Variants in SHISA9 observed in about 807,000 individuals in gnomAD.
SHISA9 encodes the protein shisa family member 9.
Under a neutral mutation model 38.0 loss-of-function variants are expected in SHISA9, and 13 were observed. That is an observed-to-expected ratio of 0.34 (90% CI 0.22 to 0.54). SHISA9 has a LOEUF of 0.54. Among genes scored for constraint, SHISA9 ranks in the 20% least tolerant of loss-of-function variants. The pLI is 0.91. For missense variants in SHISA9, 538 were observed against 575.8 expected (o/e 0.93, Z 0.67); for synonymous variants, 275 against 242.0 (o/e 1.14, Z -1.27).
At chr16:13,001,310 G>A (rs756235647) in intron 2 of SHISA9, among the ~76,000 whole-genome samples, 8 of 152,132 alleles carry the variant, frequency 5.3e-5, no homozygotes, top group Admixed American at 3.3e-4. Flanking sequence ...GGGCAGGCAG[G>A]GTCCGGGGAC....
the SHISA9 span, among the ~76,000 whole-genome samples, chr16:13,415,483 G>C: frequency 6.6e-6 from 1 of 152,140 alleles, no homozygotes; most frequent in African/African-American, 2.4e-5. Flanking sequence ...TAAGTAATAG[G>C]GGTATTAGAC....
intron 4 of SHISA9, among the ~76,000 whole-genome samples, chr16:13,222,183 C>G (rs1265858102): frequency 1.3e-5 from 2 of 151,988 alleles, no homozygotes; most frequent in African/African-American, 4.8e-5. Flanking sequence ...TTACCTCCCA[C>G]CAGGTCCCTC....
intron 2 of SHISA9, among the ~76,000 whole-genome samples, chr16:12,923,601 G>A (rs2071356386): frequency 6.6e-6 from 1 of 152,102 alleles, no homozygotes; most frequent in South Asian, 2.1e-4. Flanking sequence ...ATTGTAGCTG[G>A]TTAACCAAAT....
At chr16:13,484,150 T>C in the SHISA9 span, among the ~76,000 whole-genome samples, 2 of 152,130 alleles carry the variant, frequency 1.3e-5, no homozygotes, top group African/African-American at 2.4e-5. Context: ...TATTCCCTGC[T>C]TGGCGTGTGG....
At chr16:13,290,852 G>A in the SHISA9 span, among the ~76,000 whole-genome samples, 36 of 152,226 alleles carry the variant, frequency 2.4e-4, no homozygotes, top group Non-Finnish European at 4.3e-4. Flanking sequence ...GGATCAGAGC[G>A]TTCATTTTAC....
chr16:13,357,761 C>T, the SHISA9 span, among the ~76,000 whole-genome samples: 6 of 136,234 alleles, frequency 4.4e-5, no homozygotes, highest in Admixed American at 1.5e-4. Context: ...TGTTCTCTGG[C>T]GGGTAGGAGT....
chr16:13,073,226 T>C (rs1363434444), intron 2 of SHISA9, among the ~76,000 whole-genome samples: 3 of 151,048 alleles, frequency 2.0e-5, no homozygotes, highest in Non-Finnish European at 3.0e-5. Flanking sequence ...CTCTCTCTTT[T>C]TTTTTTTTTT....
intron 2 of SHISA9, among the ~76,000 whole-genome samples, chr16:13,166,328 C>T (rs1447759335): frequency 1.3e-5 from 2 of 152,040 alleles, no homozygotes; most frequent in African/African-American, 4.8e-5. Flanking sequence ...GCTTTTTTGC[C>T]TGCCTTTGCA....
chr16:13,067,621 G>C (rs545886874), intron 2 of SHISA9, among the ~76,000 whole-genome samples: 5 of 152,354 alleles, frequency 3.3e-5, no homozygotes, highest in African/African-American at 1.2e-4. Flanking sequence ...AAACCAGCCT[G>C]GGTGACAGAA....
At chr16:13,485,423 T>G in the SHISA9 span, among the ~76,000 whole-genome samples, 10,206 of 152,234 alleles carry the variant, frequency 0.067, 517 homozygotes, top group East Asian at 0.16. Flanking sequence ...TGCCACATTT[T>G]CTTTATCCAG....
At chr16:13,297,596 C>G in the SHISA9 span, among the ~76,000 whole-genome samples, 2 of 152,098 alleles carry the variant, frequency 1.3e-5, no homozygotes, top group African/African-American at 4.8e-5. Flanking sequence ...GAGTAGCAGA[C>G]ACAAAGTCCC....
intron 2 of SHISA9, among the ~76,000 whole-genome samples, chr16:12,973,111 A>G (rs2072106733): frequency 6.6e-6 from 1 of 152,074 alleles, no homozygotes; most frequent in African/African-American, 2.4e-5. Flanking sequence ...GCAAGATTCC[A>G]TTTCACCCCT....
At chr16:13,460,375 C>T in the SHISA9 span, among the ~76,000 whole-genome samples, 1 of 152,254 alleles carries the variant, frequency 6.6e-6, no homozygotes, top group South Asian at 2.1e-4. Flanking sequence ...AAACTTTATG[C>T]TCATTTCTCT....
chr16:13,409,571 G>A, the SHISA9 span, among the ~76,000 whole-genome samples: 2 of 152,296 alleles, frequency 1.3e-5, no homozygotes, highest in South Asian at 4.1e-4. Flanking sequence ...TGGGGATCAG[G>A]GAACTCTCCA....
intron 2 of SHISA9, among the ~76,000 whole-genome samples, chr16:13,085,687 C>A (rs60179715): frequency 0.021 from 3,157 of 152,278 alleles, 50 homozygotes; most frequent in Admixed American, 0.047. Context: ...GTGAGAAATT[C>A]AGGTGTGATC....
intron 2 of SHISA9, among the ~76,000 whole-genome samples, chr16:13,093,538 T>C (rs2073796196): frequency 6.6e-6 from 1 of 152,110 alleles, no homozygotes; most frequent in African/African-American, 2.4e-5. Flanking sequence ...ATTCAAGGTA[T>C]CATGTGCATA....
chr16:12,915,724 G>A (rs1481065675), intron 1 of SHISA9, among the ~76,000 whole-genome samples: 1 of 152,148 alleles, frequency 6.6e-6, no homozygotes, highest in Admixed American at 6.5e-5. Flanking sequence ...GGGATGGAAG[G>A]GTTTCACATT....
At chr16:13,103,183 G>C (rs749486769) in intron 2 of SHISA9, among the ~76,000 whole-genome samples, 84 of 152,132 alleles carry the variant, frequency 5.5e-4, no homozygotes, top group Non-Finnish European at 1.1e-3. Context: ...TAGTGTGTCA[G>C]ACTCCAAAGC....
At chr16:13,217,512 C>T (rs912155177) in intron 4 of SHISA9, among the ~76,000 whole-genome samples, 2 of 152,164 alleles carry the variant, frequency 1.3e-5, no homozygotes, top group East Asian at 1.9e-4. Flanking sequence ...AATCAGCCTG[C>T]GTCCCCCTTT....
Sources: gnomAD v4.1 joint callset for allele counts (sites outside exome capture counted in the v4.1 genomes callset) on GRCh38, gnomAD v4.1.1 for gene constraint, MANE v1.5 for transcripts, NCBI Gene and HGNC (gene_info 2026-07-23, HGNC 2026-07-21) for gene names.